The following STK32A variants were observed in gnomAD, a reference collection of about 807,000 sequenced individuals.
STK32A encodes the protein serine/threonine-protein kinase 32A.
A neutral mutation model predicts 53.2 loss-of-function variants in STK32A; 41 were observed. The observed-to-expected ratio is 0.77, with a 90% CI of 0.60 to 1.00. The LOEUF is 1.00. Ranked by LOEUF, STK32A falls within the 50% of genes least tolerant of loss-of-function variation. The probability of loss-of-function intolerance (pLI) is 0.00; values close to 1 mark genes in which losing one functional copy is unlikely to be tolerated. For missense variants in STK32A, 458 were observed against 485.8 expected, an observed-to-expected ratio of 0.94 and a Z score of 0.54; for synonymous variants, 166 against 162.8, an observed-to-expected ratio of 1.02 and a Z score of -0.15.
At chr5:147,267,643 A>T (rs1754863998) in intron 2 of STK32A, among the ~76,000 whole-genome samples, 1 of 152,212 alleles carries the variant, frequency 6.6e-6, no homozygotes. Context: ...AGGTAGCAGA[A>T]GTTCTATCAT....
chr5:147,360,450 C>CAAAAAAAAAAAAA (rs56690647), intron 7 of STK32A, among the ~76,000 whole-genome samples: 4 of 81,160 alleles, frequency 4.9e-5, no homozygotes, highest in African/African-American at 1.8e-4. Flanking sequence ...GATTCTGTCT[C>CAAAAAAAAAAAAA]AAAAAAAAAA....
intron 2 of STK32A, among the ~76,000 whole-genome samples, chr5:147,253,598 C>T (rs1277844716): frequency 6.6e-6 from 1 of 152,162 alleles, no homozygotes; most frequent in Non-Finnish European, 1.5e-5. Flanking sequence ...TCAAGTGATC[C>T]ACCCACCTCA....
At chr5:147,397,843 C>T in the STK32A span, 14 of 1,599,608 alleles carry the variant, frequency 8.8e-6, no homozygotes, top group East Asian at 2.2e-5. Context: ...TGTACTCTGC[C>T]GCCTAGAGGC....
chr5:147,317,981 A>C (rs1428982851), intron 4 of STK32A, among the ~76,000 whole-genome samples: 1 of 152,192 alleles, frequency 6.6e-6, no homozygotes, highest in Non-Finnish European at 1.5e-5. Flanking sequence ...TGGCTTTTTA[A>C]ATATAAACAT....
chr5:147,292,274 C>G (rs559922880), intron 4 of STK32A, among the ~76,000 whole-genome samples: 1 of 152,156 alleles, frequency 6.6e-6, no homozygotes, highest in African/African-American at 2.4e-5. Flanking sequence ...TCACCCAAAG[C>G]CTTGGTAAAA....
chr5:147,286,499 A>G (rs957238975), intron 4 of STK32A, among the ~76,000 whole-genome samples: 1 of 152,126 alleles, frequency 6.6e-6, no homozygotes, highest in Non-Finnish European at 1.5e-5. Context: ...GGTTCTTATC[A>G]GTCCCAGTTT....
chr5:147,264,590 A>T (rs1754725046), intron 2 of STK32A, among the ~76,000 whole-genome samples: 1 of 152,226 alleles, frequency 6.6e-6, no homozygotes, highest in Non-Finnish European at 1.5e-5. Flanking sequence ...TAATAATGGA[A>T]ATACCGAATA....
intron 4 of STK32A, among the ~76,000 whole-genome samples, chr5:147,320,800 C>T (rs1433027443): frequency 2.0e-5 from 3 of 148,496 alleles, no homozygotes; most frequent in Non-Finnish European, 2.9e-5. Flanking sequence ...GCTTCTAAGG[C>T]TGAAGGGGGC....
rs1045291912 is a variant in STK32A at position 147,361,619 on chromosome 5, T to C, written c.660+5T>C. ...TATGAACTGCTGAGAGGCCGGGTAC[T>C]GTAGTAGCATTTCCTCTTTGGTTAT... On this transcript the variant is annotated splice_donor_5th_base_variant and intron_variant, in intron 8 of 12. Coordinates refer to ENST00000397936, the MANE Select transcript of STK32A (RefSeq NM_001112724.2). 2 of 1,585,676 alleles carry C rather than the reference T, an allele frequency of 1.3e-6. No individual in the cohort carries two copies. Among genetic ancestry groups the C allele is most frequent in the Non-Finnish European group, 1.7e-6 (2 of 1,155,682 alleles).
intron 5 of STK32A, chr5:147,342,791 GC>G (rs146100443): frequency 0.028 from 15,177 of 535,602 alleles, 261 homozygotes; most frequent in Middle Eastern, 0.05. Flanking sequence ...CCATTTACTA[GC>G]CTGTGACCTT....
chr5:147,375,367 G>A (rs1757194205), intron 11 of STK32A, 149 bp downstream of exon 11: 1 of 900,526 alleles, frequency 1.1e-6, no homozygotes, highest in African/African-American at 1.7e-5. Context: ...TTCTAAAAGG[G>A]CAGACCAGAG....
In STK32A at chr5:147,384,446, A is replaced by G; in HGVS notation, c.*463A>G. The G allele has an allele frequency of 6.5e-7, 1 of 1,532,986 alleles. No individual in the cohort carries two copies. 95.0% of individuals were successfully genotyped at this position (1,532,986 alleles called of 1,614,324 possible). Reference sequence around the variant, plus strand: ...CTCGAAAGTTTCATAAAGTGGTCAGAATGCCCCAGGCTACTTGGATAAAGA... The same window carrying G: ...CTCGAAAGTTTCATAAAGTGGTCAGGATGCCCCAGGCTACTTGGATAAAGA... On this transcript the variant is annotated 3_prime_UTR_variant, in exon 13 of 13. Transcript: ENST00000397936.
chr5:147,330,977 C>T (rs949183238), intron 5 of STK32A, among the ~76,000 whole-genome samples: 4 of 152,232 alleles, frequency 2.6e-5, no homozygotes, highest in Admixed American at 2.0e-4. Context: ...TTCTCACACA[C>T]TGTACTATCT....
At chr5:147,252,382 T>C (rs994131179) in intron 2 of STK32A, among the ~76,000 whole-genome samples, 2 of 152,204 alleles carry the variant, frequency 1.3e-5, no homozygotes, top group African/African-American at 4.8e-5. Flanking sequence ...AAAGATCTTC[T>C]GTTTAAGTCT....
chr5:147,270,762 A>G (rs898453168), intron 2 of STK32A, among the ~76,000 whole-genome samples: 3 of 152,232 alleles, frequency 2.0e-5, no homozygotes, highest in Non-Finnish European at 4.4e-5. Context: ...TTCACTTGTC[A>G]GATGAAGAAC....
At chr5:147,256,210 C>T (rs1754230111) in intron 2 of STK32A, among the ~76,000 whole-genome samples, 2 of 152,222 alleles carry the variant, frequency 1.3e-5, no homozygotes, top group Admixed American at 1.3e-4. Context: ...TAAGTTTCCT[C>T]CCTGTCATGA....
chr5:147,358,121 C>A (rs868779440), intron 7 of STK32A, among the ~76,000 whole-genome samples: 1 of 151,656 alleles, frequency 6.6e-6, no homozygotes, highest in South Asian at 2.1e-4. Flanking sequence ...AATTTAATAC[C>A]CACGTTTAAA....
At chr5:147,295,303 T>C (rs1386560901) in intron 4 of STK32A, among the ~76,000 whole-genome samples, 4 of 152,210 alleles carry the variant, frequency 2.6e-5, no homozygotes, top group African/African-American at 7.2e-5. Context: ...CTCATTTACA[T>C]TCATTTAATT....
intron 4 of STK32A, among the ~76,000 whole-genome samples, chr5:147,294,347 C>T (rs1025914698): frequency 6.6e-5 from 10 of 151,942 alleles, no homozygotes; most frequent in Admixed American, 1.3e-4. Flanking sequence ...CTGCAACCTC[C>T]GCCTCCTGGG....
Sources: allele counts gnomAD v4.1 joint callset (sites outside exome capture counted in the v4.1 genomes callset), GRCh38; gene constraint gnomAD v4.1.1; transcripts MANE v1.5; gene names NCBI Gene and HGNC (gene_info 2026-07-23, HGNC 2026-07-21).